Variants in BBS4 observed in about 807,000 individuals in gnomAD.
BBS4 encodes Bardet-Biedl syndrome 4.
A neutral mutation model predicts 71.4 loss-of-function variants in BBS4; 58 were observed. The observed-to-expected ratio is 0.81, with a 90% confidence interval of 0.66 to 1.01. The LOEUF (loss-of-function observed/expected upper bound fraction) is 1.01. Ranked by LOEUF, BBS4 falls within the 50% of genes least tolerant of loss-of-function variation. BBS4 has a pLI of 0.00. For synonymous variants in BBS4, 228 were observed against 216.8 expected, an observed-to-expected ratio of 1.05 and a Z score of -0.46; for missense variants, 660 against 607.9, an observed-to-expected ratio of 1.09 and a Z score of -0.90.
chr15:72,722,909 T>C, intron 7 of BBS4, 62 bp downstream of exon 7: 1 of 1,427,788 alleles, frequency 7.0e-7, no homozygotes, highest in Non-Finnish European at 9.9e-7. Flanking sequence ...AGTTGTTACA[T>C]TGCTCATTTG....
At chr15:72,734,985 A>G in intron 12 of BBS4, 128 bp from the exon 13 acceptor site, 2 of 711,786 alleles carry the variant, frequency 2.8e-6, no homozygotes, top group African/African-American at 1.7e-5. Flanking sequence ...AGCACCAGGT[A>G]TCTAAGCTGA....
At position 72,700,612 on chromosome 15, in the gene BBS4, T is replaced by A. The variant is rs74024319; in HGVS notation, c.76+5384T>A. Among the ~76,000 whole-genome samples, 1,266 of 152,310 alleles carry A rather than the reference T, an allele frequency of 8.3e-3. 13 individuals carry two copies. Among genetic ancestry groups the A allele is most frequent in the African/African-American group, 0.029 (1,198 of 41,572 alleles). On this transcript the variant is annotated intron_variant, in intron 2 of 15. Coordinates refer to ENST00000268057, the MANE Select transcript of BBS4 (RefSeq NM_033028.5). ...AGTGTCTGCTCAAGTTTTTTGCCTA[T>A]TTTTAAATTTCTTTTTTCCTTATTA...
At chr15:72,703,484 A>G (rs1270223528) in intron 2 of BBS4, among the ~76,000 whole-genome samples, 7 of 152,344 alleles carry the variant, frequency 4.6e-5, no homozygotes, top group South Asian at 2.1e-4. Context: ...TGATACCCCA[A>G]ATATCCTATT....
At position 72,715,217 on chromosome 15, in the gene BBS4, A is replaced by G. The variant is rs534696861; in HGVS notation, c.221-74A>G. On this transcript the variant is annotated intron_variant, in intron 4 of 15. Transcript: ENST00000268057. Reference sequence around the variant, plus strand: ...TGGTTTCCCAGTTTTCTCTTCTCCAATTTTTCTGACCCCAGGCTCCATTCT... The same window carrying G: ...TGGTTTCCCAGTTTTCTCTTCTCCAGTTTTTCTGACCCCAGGCTCCATTCT... 1,239 of 1,112,292 alleles carry G rather than the reference A, an allele frequency of 1.1e-3. 1 individual carries two copies. The highest frequency in any genetic ancestry group is 1.5e-3 in the Non-Finnish European group (1,086 of 739,036). 68.9% of individuals were successfully genotyped at this position (1,112,292 alleles called of 1,614,324 possible). A position where few individuals can be genotyped will look rare whatever the true frequency, so the allele number is the denominator to read the frequency against.
intron 8 of BBS4, among the ~76,000 whole-genome samples, chr15:72,726,544 A>G (rs1031937539): frequency 3.9e-5 from 6 of 152,132 alleles, no homozygotes; most frequent in Non-Finnish European, 7.4e-5. Flanking sequence ...CTAAACTTAG[A>G]TTTCTATTAA....
At chr15:72,689,858 TGGAGCGCAGTGGCG>T (rs1479373426) in intron 1 of BBS4, among the ~76,000 whole-genome samples, 2 of 152,032 alleles carry the variant, frequency 1.3e-5, no homozygotes, top group Admixed American at 6.6e-5. Context: ...TCGCCCAGGC[TGGAGCGCAGTGGCG>T]CGATCTCGGC....
chr15:72,732,482 A>G (rs1307817769), intron 12 of BBS4, among the ~76,000 whole-genome samples: 1 of 152,210 alleles, frequency 6.6e-6, no homozygotes, highest in East Asian at 1.9e-4. Flanking sequence ...TACTTACTAA[A>G]TGTAAGACCC....
At position 72,693,151 on chromosome 15, in the gene BBS4, A is replaced by G. The variant is rs115603853; in HGVS notation, c.25-2026A>G. Among the ~76,000 whole-genome samples the G allele has an allele frequency of 3.7e-3, 569 of 152,290 alleles. 1 individual carries two copies. The highest frequency in any genetic ancestry group is 0.013 in the African/African-American group (551 of 41,554). On this transcript the variant is annotated intron_variant, in intron 1 of 15. Coordinates refer to ENST00000268057, the MANE Select transcript of BBS4 (RefSeq NM_033028.5). Reference sequence around the variant, plus strand: ...ACCATCTATTGCCATCTGCAAATGTATGCCATTGTTGTTTAGTTTTGTAGT... The same window carrying G: ...ACCATCTATTGCCATCTGCAAATGTGTGCCATTGTTGTTTAGTTTTGTAGT...
chr15:72,706,850 T>A (rs2065272467), intron 2 of BBS4, among the ~76,000 whole-genome samples: 1 of 152,094 alleles, frequency 6.6e-6, no homozygotes, highest in Non-Finnish European at 1.5e-5. Context: ...TTTAAAAAAA[T>A]TAAATTTTTT....
intron 1 of BBS4, among the ~76,000 whole-genome samples, chr15:72,689,525 A>G (rs2064942634): frequency 6.6e-6 from 1 of 152,134 alleles, no homozygotes; most frequent in Non-Finnish European, 1.5e-5. Context: ...TTGAGTCCAG[A>G]GGTTTGAGAC....
intron 15 of BBS4, 52 bp from the exon 16 acceptor site, chr15:72,737,426 T>G: frequency 6.8e-7 from 1 of 1,475,694 alleles, no homozygotes; most frequent in Non-Finnish European, 9.3e-7. Context: ...AAAAGAATGA[T>G]TTCTTCTGAA....
intron 3 of BBS4, among the ~76,000 whole-genome samples, chr15:72,710,957 A>ATTTTT (rs1019864390): frequency 1.2e-4 from 16 of 137,922 alleles, no homozygotes; most frequent in African/African-American, 4.3e-4. Context: ...TGCCCAGCTA[A>ATTTTT]TTTTTTTTTT....
chr15:72,710,243 T>C (rs1345938462), intron 3 of BBS4, among the ~76,000 whole-genome samples: 2 of 133,190 alleles, frequency 1.5e-5, no homozygotes, highest in Admixed American at 1.7e-4. Context: ...CACTGTCACC[T>C]AGGCTGGAGT....
Position 72,738,358 on chromosome 15 carries a change from T to TATCA in BBS4, c.*774_*777dup. On this transcript the variant is annotated 3_prime_UTR_variant, in exon 16 of 16. Transcript: ENST00000268057. The stretch of plus-strand genomic sequence containing the variant: ...TCAGTGATAACCACTGACCAGATGC[T>TATCA]ATCAATACACTATGTGTCCTTTTTA... 4.4e-6 allele frequency: 2 copies of TATCA among 452,320 alleles called. No individual in the cohort carries two copies. Among genetic ancestry groups the TATCA allele is most frequent in the Non-Finnish European group, 8.8e-6 (2 of 226,212 alleles). The allele number at this position is 452,320 out of a possible 1,614,324, so 28.0% of individuals were successfully genotyped here.
At chr15:72,720,886 T>C (rs2065560763) in intron 6 of BBS4, among the ~76,000 whole-genome samples, 1 of 152,254 alleles carries the variant, frequency 6.6e-6, no homozygotes, top group South Asian at 2.1e-4. Context: ...CTTTTGCAGT[T>C]AGTTTGTTAA....
intron 10 of BBS4, among the ~76,000 whole-genome samples, chr15:72,730,963 T>C (rs371393802): frequency 1.3e-5 from 2 of 151,758 alleles, no homozygotes; most frequent in East Asian, 3.9e-4. Flanking sequence ...AGAGAACAGA[T>C]TAAAGGAAGT....
At chr15:72,708,423 C>T (rs367930760) in intron 2 of BBS4, among the ~76,000 whole-genome samples, 1 of 152,192 alleles carries the variant, frequency 6.6e-6, no homozygotes, top group East Asian at 1.9e-4. Context: ...ATTTCTTACA[C>T]CTGTCTTTAA....
At chr15:72,728,056 A>T in intron 9 of BBS4, 62 bp downstream of exon 9, 1 of 1,250,682 alleles carries the variant, frequency 8.0e-7, no homozygotes, top group East Asian at 2.3e-5. Context: ...GTTTGTGTGT[A>T]TGGTGGTTTT....
intron 6 of BBS4, among the ~76,000 whole-genome samples, chr15:72,721,790 T>C (rs2151031326): frequency 6.6e-6 from 1 of 152,360 alleles, no homozygotes; most frequent in East Asian, 1.9e-4. Context: ...GTTCTTACTA[T>C]GTTTCCCAAG....
Sources: gnomAD v4.1 joint callset for allele counts (sites outside exome capture counted in the v4.1 genomes callset) on GRCh38, gnomAD v4.1.1 for gene constraint, MANE v1.5 for transcripts, NCBI Gene and HGNC (gene_info 2026-07-23, HGNC 2026-07-21) for gene names.